RASAL1: variants seen among roughly 807,000 people sequenced by gnomAD.
The protein encoded by RASAL1 is rasGAP-activating-like protein 1.
In RASAL1, 72 loss-of-function variants were observed where a neutral mutation model predicts 96.6. That is an observed-to-expected ratio of 0.75 (90% CI 0.62 to 0.91). The LOEUF (loss-of-function observed/expected upper bound fraction) is 0.91, where lower values mean the gene tolerates loss of function less well. RASAL1 is among the 40% of genes least tolerant of loss of function. The probability of loss-of-function intolerance (pLI) is 0.00; values close to 1 mark genes in which losing one functional copy is unlikely to be tolerated. For synonymous variants in RASAL1, 405 were observed against 430.4 expected, an observed-to-expected ratio of 0.94 and a Z score of 0.73; for missense variants, 1,016 against 1,072.5, an observed-to-expected ratio of 0.95 and a Z score of 0.74.
intron 16 of RASAL1, 76 bp downstream of exon 16, chr12:113,105,637 TC>T: frequency 1.4e-6 from 2 of 1,450,852 alleles, no homozygotes; most frequent in Non-Finnish European, 1.9e-6. Context: ...GGCCTCAGTT[TC>T]CCCCTGGGTA....
Position 113,101,965 on chromosome 12 carries a change from A to G in RASAL1, c.2149T>C (p.Trp717Arg). ...RTHSAVTLGD[W>R]SDPLDPDAEA... ...GCATCAGGATCCAGTGGGTCACTCC[A>G]GTCCCCCAGGGTGACAGCTGAGTGT... Residue 717 changes from tryptophan to arginine, a missense_variant, in exon 19 of 21, where the codon TGG (tryptophan) becomes CGG (arginine). Trp to Arg is a moderately radical substitution (Grantham distance 101, BLOSUM62 -3). Coordinates refer to ENST00000548055, the MANE Select transcript of RASAL1 (RefSeq NM_001301202.2). The G allele has an allele frequency of 6.2e-7, 1 of 1,614,148 alleles. No individual in the cohort carries two copies. The highest frequency in any genetic ancestry group is 1.1e-5 in the South Asian group (1 of 91,080).
chr12:113,105,800 C>T lies in RASAL1; in HGVS notation c.1744G>A (p.Gly582Ser), dbSNP rs775386741. Residue 582 changes from glycine to serine, a missense_variant, in exon 16 of 21, where the codon GGC (glycine) becomes AGC (serine). Coordinates refer to ENST00000548055, the MANE Select transcript of RASAL1 (RefSeq NM_001301202.2). ...TTGAAGGCAAAGCGCGTGGCCAGGC[C>T]GGCAGGCTCCTCCTTGCGCTTCAGC... ...YLLKRKEEPA[G>S]LATRFAFKKR... 77 of 1,614,070 alleles carry T rather than the reference C, an allele frequency of 4.8e-5. No individual in the cohort carries two copies. The highest frequency in any genetic ancestry group is 1.6e-4 in the Middle Eastern group (1 of 6,084).
At chr12:113,125,111 A>AT in intron 4 of RASAL1, among the ~76,000 whole-genome samples, 1 of 152,230 alleles carries the variant, frequency 6.6e-6, no homozygotes, top group African/African-American at 2.4e-5. Context: ...AAAAAAAAAA[A>AT]AATACATATA....
intron 1 of RASAL1, among the ~76,000 whole-genome samples, chr12:113,131,319 C>T (rs551332557): frequency 5.1e-4 from 78 of 152,234 alleles, no homozygotes; most frequent in Middle Eastern, 3.4e-3. Context: ...GAGTCCCCTT[C>T]CCTCTCTGGG....
At chr12:113,132,029 T>C (rs754093541) in intron 1 of RASAL1, among the ~76,000 whole-genome samples, 1 of 149,620 alleles carries the variant, frequency 6.7e-6, no homozygotes, top group African/African-American at 2.5e-5. Context: ...TGGAGTGCAG[T>C]GGCGCGATCT....
In RASAL1 at chr12:113,130,870, G is replaced by A; in HGVS notation, c.122+15C>T. 2 of 1,610,616 alleles carry A rather than the reference G, an allele frequency of 1.2e-6. No individual in the cohort carries two copies. Among genetic ancestry groups the A allele is most frequent in the South Asian group, 1.1e-5 (1 of 90,808 alleles). The stretch of plus-strand genomic sequence containing the variant: ...CCCCTCCCTTCCTCCTCTCCCCCGT[G>A]TCGCCACCCCTCACCTGGCCACCAC... On this transcript the variant is annotated intron_variant, in intron 2 of 20. Transcript: ENST00000548055. The surrounding 1 kb of genome is among the most constrained non-coding windows in gnomAD (Gnocchi z 5.1).
At chr12:113,101,473 G>A (rs761465569) in intron 19 of RASAL1, among the ~76,000 whole-genome samples, 9 of 152,114 alleles carry the variant, frequency 5.9e-5, no homozygotes, top group Non-Finnish European at 1.3e-4. Context: ...AAGTGGCCAG[G>A]TCACGATTTG....
At chr12:113,114,957 C>T (rs375042957) in intron 11 of RASAL1, 45 bp from the exon 12 acceptor site, 134 of 1,479,988 alleles carry the variant, frequency 9.1e-5, no homozygotes, top group Non-Finnish European at 1.2e-4. Flanking sequence ...AGGGCGAGGC[C>T]GGGGCATGCC....
At chr12:113,104,752 C>T (rs2701619) in intron 16 of RASAL1, among the ~76,000 whole-genome samples, 145,549 of 152,240 alleles carry the variant, frequency 0.96, 69,657 homozygotes, top group Admixed American at 0.98. Context: ...TCTGCCCACC[C>T]CGGCCTCCCA....
rs773838506 is a variant in RASAL1, at chr12:113,117,060, C to T, written c.731+13G>A. On this transcript the variant is annotated intron_variant, in intron 8 of 20. Coordinates refer to ENST00000548055, the MANE Select transcript of RASAL1 (RefSeq NM_001301202.2). ...GCTCCAGCCTGGCCCCCTCCCTCTG[C>T]ACCCACATTTACCCAGAATCCTCCT... The T allele has an allele frequency of 1.9e-6, 3 of 1,574,670 alleles. No homozygotes were observed. The highest frequency in any genetic ancestry group is 2.6e-6 in the Non-Finnish European group (3 of 1,150,470).
In RASAL1 at chr12:113,129,807, C is replaced by T. The variant is rs540293836; in HGVS notation, c.122+1078G>A. ...ACCCCCAGTGCTTCCTCCCAAATACCCTCTTCCCCCAACCTGACCTTTTCC... is the reference window on the plus strand; with the variant it reads ...ACCCCCAGTGCTTCCTCCCAAATACTCTCTTCCCCCAACCTGACCTTTTCC... On this transcript the variant is annotated intron_variant, in intron 2 of 20. Transcript: ENST00000548055. This position sits in a 1 kb window ranked among gnomAD's most constrained non-coding sequence, Gnocchi z 5.0. Among the ~76,000 whole-genome samples the T allele has an allele frequency of 6.6e-6, 1 of 152,326 alleles. No individual in the cohort carries two copies. Among genetic ancestry groups the T allele is most frequent in the South Asian group, 2.1e-4 (1 of 4,828 alleles).
intron 16 of RASAL1, 81 bp from the exon 17 acceptor site, chr12:113,104,379 C>A: frequency 7.3e-7 from 1 of 1,365,994 alleles, no homozygotes; most frequent in Non-Finnish European, 1.0e-6. Context: ...TTGTGTGCAG[C>A]AGGTGGAGTC....
In RASAL1 at chr12:113,103,953, C is replaced by T; in HGVS notation, c.2097G>A (p.Glu699=). The T allele has an allele frequency of 6.4e-7, 1 of 1,557,296 alleles. No homozygotes were observed. Among genetic ancestry groups the T allele is most frequent in the Non-Finnish European group, 8.7e-7 (1 of 1,153,184 alleles). ...SARWTCCLQA[E]RSAAGCSRTH... is the part of the protein sequence containing the mutation. ...TCCGCCCTGCCCCCTCACCTGAGCG[C>T]TCAGCCTGGAGGCAGCAGGTCCAGC... The change falls in exon 18 of 21, where the codon GAG becomes GAA. Residue 699 remains glutamate (E), a synonymous_variant. Coordinates refer to ENST00000548055, the MANE Select transcript of RASAL1 (RefSeq NM_001301202.2).
At position 113,099,861 on chromosome 12, in the gene RASAL1, G is replaced by A. The variant is rs1484706876; in HGVS notation, c.*68C>T. The stretch of plus-strand genomic sequence containing the variant: ...AGGTCCAAGGAGACAGGAGACTCCC[G>A]GGGCAGGATGCGCTGAAGAGGGCCC... On this transcript the variant is annotated 3_prime_UTR_variant, in exon 21 of 21. Coordinates refer to ENST00000548055, the MANE Select transcript of RASAL1 (RefSeq NM_001301202.2). 2.8e-5 allele frequency: 43 copies of A among 1,545,732 alleles called. No individual in the cohort carries two copies. The highest frequency in any genetic ancestry group is 7.3e-5 in the South Asian group (6 of 82,080).
chr12:113,131,434 C>G (rs1432123903), intron 1 of RASAL1, among the ~76,000 whole-genome samples: 1 of 152,258 alleles, frequency 6.6e-6, no homozygotes, highest in East Asian at 1.9e-4. Context: ...GCCCCCAGCT[C>G]TCCCCTGCAG....
upstream of RASAL1, among the ~76,000 whole-genome samples, chr12:113,136,732 G>A (rs998447914): frequency 1.6e-4 from 24 of 152,236 alleles, no homozygotes; most frequent in Admixed American, 9.8e-4. Flanking sequence ...TCAGGACAGT[G>A]ACAAGTACCT....
rs946259149 is a variant in RASAL1, at chr12:113,129,441, A to G, written c.123-1263T>C. Among the ~76,000 whole-genome samples the G allele has an allele frequency of 2.6e-5, 4 of 152,182 alleles. No individual in the cohort carries two copies. Among genetic ancestry groups the G allele is most frequent in the African/African-American group, 9.7e-5 (4 of 41,432 alleles). On this transcript the variant is annotated intron_variant, in intron 2 of 20. Transcript: ENST00000548055. The surrounding 1 kb of genome is among the most constrained non-coding windows in gnomAD (Gnocchi z 5.0). ...AGGAGACAGGAGGTGAGCAGGGGAC[A>G]GAGCACTCGGGGCTTTGAAGCACAC...
At chr12:113,120,164 C>G (rs1330473073) in intron 5 of RASAL1, among the ~76,000 whole-genome samples, 3 of 152,204 alleles carry the variant, frequency 2.0e-5, no homozygotes, top group Non-Finnish European at 2.9e-5. Context: ...ACCCCCACAC[C>G]AGGGGCTGCT....
In RASAL1 at chr12:113,130,606, A is replaced by T. The variant is rs1951666514; in HGVS notation, c.122+279T>A. Among the ~76,000 whole-genome samples the T allele has an allele frequency of 6.6e-6, 1 of 152,116 alleles. No individual in the cohort carries two copies. The highest frequency in any genetic ancestry group is 1.5e-5 in the Non-Finnish European group (1 of 68,006). On this transcript the variant is annotated intron_variant, in intron 2 of 20. Coordinates refer to ENST00000548055, the MANE Select transcript of RASAL1 (RefSeq NM_001301202.2). The surrounding 1 kb of genome is among the most constrained non-coding windows in gnomAD (Gnocchi z 5.1). The stretch of plus-strand genomic sequence containing the variant: ...ACCAACCAGTCCAGCCAAGCGTGAG[A>T]TGCCCGCCCCCAGGGAGGCCACTGT...
Sources: gnomAD v4.1 joint callset for allele counts (sites outside exome capture counted in the v4.1 genomes callset) on GRCh38, gnomAD v4.1.1 for gene constraint, Gnocchi (gnomAD v3.1) non-coding constraint, MANE v1.5 for transcripts, NCBI Gene and HGNC (gene_info 2026-07-23, HGNC 2026-07-21) for gene names.